Variants in ATP2A3 observed in about 807,000 individuals in gnomAD.
ATP2A3 encodes the protein sarcoplasmic/endoplasmic reticulum calcium ATPase 3.
ATP2A3 carries 61 observed loss-of-function variants against 106.8 expected under a neutral mutation model. The observed-to-expected ratio is 0.57, with a 90% CI of 0.46 to 0.71. The LOEUF is 0.71. ATP2A3 is among the 30% of genes least tolerant of loss of function. The pLI, the probability that ATP2A3 is intolerant of heterozygous loss-of-function variation, is 0.00. For missense variants in ATP2A3, 1,201 were observed against 1,423.5 expected (o/e 0.84, Z 2.52); for synonymous variants, 611 against 609.3 (o/e 1.00, Z -0.04).
chr17:3,937,763 A>C, intron 14 of ATP2A3, 127 bp from the exon 15 acceptor site: 2 of 972,210 alleles, frequency 2.1e-6, no homozygotes, highest in Non-Finnish European at 3.2e-6. Flanking sequence ...GACAGAACAA[A>C]TGGTGGGTTC....
intron 1 of ATP2A3, among the ~76,000 whole-genome samples, chr17:3,959,166 G>A (rs1322907127): frequency 6.6e-6 from 1 of 152,034 alleles, no homozygotes; most frequent in African/African-American, 2.4e-5. Context: ...CCAAGGTGCT[G>A]AGATGCCAAG....
chr17:3,958,205 G>A (rs899653438), intron 1 of ATP2A3, among the ~76,000 whole-genome samples: 1 of 152,236 alleles, frequency 6.6e-6, no homozygotes, highest in African/African-American at 2.4e-5. Context: ...GGTGATAAAT[G>A]TAAGTACCTC....
chr17:3,958,663 T>C (rs987345275), intron 1 of ATP2A3, among the ~76,000 whole-genome samples: 3 of 151,270 alleles, frequency 2.0e-5, no homozygotes, highest in East Asian at 1.9e-4. Flanking sequence ...GCGTGATGTG[T>C]TGATAATCCC....
chr17:3,953,749 AAG>A lies in ATP2A3; in HGVS notation c.119-41_119-40del. ...GCAGCCACGGGAGCCATGAGGAGAC[AAG>A]AGAGGAGTGGGTCACGCAGGGGCCT... On this transcript the variant is annotated intron_variant, in intron 1 of 20. Transcript: ENST00000397041. This position sits in a 1 kb window ranked among gnomAD's most constrained non-coding sequence, Gnocchi z 5.1. 1 of 1,565,950 alleles carries A rather than the reference AAG, an allele frequency of 6.4e-7. No homozygotes were observed.
rs2052944616 is a variant in ATP2A3 at position 3,929,796 on chromosome 17, G to A, written c.2745-351C>T. Among the ~76,000 whole-genome samples, 1 of 151,084 alleles carries A rather than the reference G, an allele frequency of 6.6e-6. No homozygotes were observed. Among genetic ancestry groups the A allele is most frequent in the Non-Finnish European group, 1.5e-5 (1 of 67,798 alleles). ...CACTGACCCCCAGACCCTAATCCTGGACCCCGCTTGGCCCCAGACCTTTGT... is the reference window on the plus strand; with the variant it reads ...CACTGACCCCCAGACCCTAATCCTGAACCCCGCTTGGCCCCAGACCTTTGT... On this transcript the variant is annotated intron_variant, in intron 18 of 20. Transcript: ENST00000397041. This position sits in a 1 kb window ranked among gnomAD's most constrained non-coding sequence, Gnocchi z 4.3.
chr17:3,933,466 C>T (rs369237574), intron 17 of ATP2A3, among the ~76,000 whole-genome samples: 2 of 148,408 alleles, frequency 1.3e-5, no homozygotes, highest in East Asian at 4.1e-4. Flanking sequence ...GTCCGGGTGC[C>T]GTGGCTCACG....
chr17:3,945,001 G>C (rs1248942568), intron 9 of ATP2A3, 59 bp downstream of exon 9: 1 of 1,372,040 alleles, frequency 7.3e-7, no homozygotes. Context: ...CCTCGGCGCC[G>C]CCACGCGTGG....
chr17:3,925,353 G>A lies in ATP2A3; in HGVS notation c.*69C>T. ...GGCGAGTGTGGTGGCAAGGGTGGGG[G>A]GCGGAGGCGAACACATGGGCACCAT... On this transcript the variant is annotated 3_prime_UTR_variant, in exon 21 of 21. Coordinates refer to ENST00000397041, the MANE Select transcript of ATP2A3 (RefSeq NM_005173.4). This position sits in a 1 kb window ranked among gnomAD's most constrained non-coding sequence, Gnocchi z 4.2. 6.2e-7 allele frequency: 1 copy of A among 1,613,280 alleles called. No homozygotes were observed. The highest frequency in any genetic ancestry group is 1.7e-4 in the Middle Eastern group (1 of 6,052).
chr17:3,947,319 G>A lies in ATP2A3; in HGVS notation c.1095+72C>T, dbSNP rs900199852. ...CTCCATCCCTCACTGAAAAGGAGGT[G>A]GGGGAGAGACCCAGAGAGGGAGCCC... On this transcript the variant is annotated intron_variant, in intron 8 of 20. Coordinates refer to ENST00000397041, the MANE Select transcript of ATP2A3 (RefSeq NM_005173.4). This position sits in a 1 kb window ranked among gnomAD's most constrained non-coding sequence, Gnocchi z 7.7. The A allele has an allele frequency of 2.6e-6, 4 of 1,555,364 alleles. No individual in the cohort carries two copies. The highest frequency in any genetic ancestry group is 3.5e-6 in the Non-Finnish European group (4 of 1,131,494).
At chr17:3,952,550 G>C (rs2054510405) in intron 3 of ATP2A3, among the ~76,000 whole-genome samples, 1 of 152,168 alleles carries the variant, frequency 6.6e-6, no homozygotes, top group African/African-American at 2.4e-5. Flanking sequence ...CACTCAGCCA[G>C]GGACAAGGTG....
intron 8 of ATP2A3, among the ~76,000 whole-genome samples, chr17:3,946,936 T>A (rs1485683269): frequency 1.3e-5 from 2 of 152,236 alleles, no homozygotes; most frequent in Non-Finnish European, 2.9e-5. Flanking sequence ...GAATGAATAA[T>A]TCCTGCCCTG....
At position 3,925,703 on chromosome 17, in the gene ATP2A3, G is replaced by T. The variant is rs187412501; in HGVS notation, c.2981-262C>A. On this transcript the variant is annotated intron_variant, in intron 20 of 20. Coordinates refer to ENST00000397041, the MANE Select transcript of ATP2A3 (RefSeq NM_005173.4). This position sits in a 1 kb window ranked among gnomAD's most constrained non-coding sequence, Gnocchi z 4.2. ...CAAACCCTCCAGTACATACTCTCCT[G>T]GTTTTCATTTTGGGGAATCACCACC... Among the ~76,000 whole-genome samples the T allele has an allele frequency of 4.6e-3, 693 of 150,650 alleles. 1 individual carries two copies. The highest frequency in any genetic ancestry group is 0.015 in the African/African-American group (615 of 40,900).
chr17:3,951,471 G>A, intron 4 of ATP2A3, 82 bp from the exon 5 acceptor site: 1 of 1,605,308 alleles, frequency 6.2e-7, no homozygotes. Flanking sequence ...TCTGGGGCCT[G>A]GGATGGAGGT....
intron 9 of ATP2A3, 45 bp downstream of exon 9, chr17:3,945,015 C>A (rs2054027530): frequency 4.1e-6 from 6 of 1,457,040 alleles, no homozygotes; most frequent in Non-Finnish European, 5.5e-6. Context: ...CGCGTGGCCC[C>A]GCCCCCAGGC....
intron 1 of ATP2A3, among the ~76,000 whole-genome samples, chr17:3,954,520 A>G (rs58499804): frequency 0.042 from 6,040 of 143,990 alleles, 444 homozygotes; most frequent in African/African-American, 0.15. Context: ...TTTTTTTAAG[A>G]GAGTCTCGCT....
chr17:3,962,277 CGGGCAAGT>C (rs2055183952), intron 1 of ATP2A3, among the ~76,000 whole-genome samples: 1 of 152,202 alleles, frequency 6.6e-6, no homozygotes, highest in African/African-American at 2.4e-5. Context: ...TATGTGACCT[CGGGCAAGT>C]GGTTTAACCT....
rs546882888 is a variant in ATP2A3, at chr17:3,953,437, C to A, written c.137-8G>T. 2 of 1,613,754 alleles carry A rather than the reference C, an allele frequency of 1.2e-6. No individual in the cohort carries two copies. Among genetic ancestry groups the A allele is most frequent in the East Asian group, 4.5e-5 (2 of 44,866 alleles). On this transcript the variant is annotated splice_region_variant and splice_polypyrimidine_tract_variant and intron_variant, in intron 2 of 20. Coordinates refer to ENST00000397041, the MANE Select transcript of ATP2A3 (RefSeq NM_005173.4). The surrounding 1 kb of genome is among the most constrained non-coding windows in gnomAD (Gnocchi z 5.1). ...GCTCCCACAGGGACTTCCCTGGGAACGGGGGTCATGTGTGAGGCTGGGCCC... is the reference window on the plus strand; with the variant it reads ...GCTCCCACAGGGACTTCCCTGGGAAAGGGGGTCATGTGTGAGGCTGGGCCC...
rs748512735 is a variant in ATP2A3 at position 3,930,477 on chromosome 17, G to A, written c.2611-43C>T. The stretch of plus-strand genomic sequence containing the variant: ...GGTCAGAGAGAGCGGCAGGTCAGGC[G>A]AGGGGCTGGTGGGTGGGAGGAGGGA... On this transcript the variant is annotated intron_variant, in intron 17 of 20. Coordinates refer to ENST00000397041, the MANE Select transcript of ATP2A3 (RefSeq NM_005173.4). The surrounding 1 kb of genome is among the most constrained non-coding windows in gnomAD (Gnocchi z 5.4). 7.5e-6 allele frequency: 12 copies of A among 1,610,462 alleles called. No homozygotes were observed. The highest frequency in any genetic ancestry group is 2.2e-5 in the South Asian group (2 of 90,900).
rs536132502 is a variant in ATP2A3, at chr17:3,955,174, G to A, written c.119-1464C>T. Among the ~76,000 whole-genome samples the A allele has an allele frequency of 1.9e-4, 29 of 152,328 alleles. No homozygotes were observed. The highest frequency in any genetic ancestry group is 1.8e-3 in the Admixed American group (28 of 15,306). Reference sequence around the variant, plus strand: ...GAAGCTCGTTAGCCATGCGGAATCTGAGGCCCCGGCCATGGCTGGCTCTCT... The same window carrying A: ...GAAGCTCGTTAGCCATGCGGAATCTAAGGCCCCGGCCATGGCTGGCTCTCT... On this transcript the variant is annotated intron_variant, in intron 1 of 20. Coordinates refer to ENST00000397041, the MANE Select transcript of ATP2A3 (RefSeq NM_005173.4). The surrounding 1 kb of genome is among the most constrained non-coding windows in gnomAD (Gnocchi z 4.2).
Sources: allele counts gnomAD v4.1 joint callset (sites outside exome capture counted in the v4.1 genomes callset), GRCh38; gene constraint gnomAD v4.1.1; non-coding constraint Gnocchi (gnomAD v3.1); transcripts MANE v1.5; gene names NCBI Gene and HGNC (gene_info 2026-07-23, HGNC 2026-07-21).